INO80: variants seen among roughly 807,000 people sequenced by gnomAD.
INO80 encodes chromatin-remodeling ATPase INO80.
Under a neutral mutation model 203.4 loss-of-function variants are expected in INO80, and 20 were observed. The observed-to-expected ratio is 0.10, with a 90% CI of 0.07 to 0.14. INO80 has a LOEUF of 0.14. INO80 is among the 10% of genes least tolerant of loss of function. INO80 has a pLI of 1.00. For missense variants in INO80, 1,419 were observed against 1,914.4 expected (o/e 0.74, Z 4.83); for synonymous variants, 726 against 685.2 (o/e 1.06, Z -0.93).
At chr15:41,098,637 T>A (rs1337724234) in intron 1 of INO80, among the ~76,000 whole-genome samples, 1 of 152,064 alleles carries the variant, frequency 6.6e-6, no homozygotes, top group East Asian at 1.9e-4. Flanking sequence ...ATCTTGCAAC[T>A]GTACTCCAGC....
In INO80 at chr15:40,982,920, G is replaced by T. The variant is rs758803693; in HGVS notation, c.4395C>A (p.Ala1465=). ...GSAAAMAGAK[A]GAAAASAAAY... is the part of the protein sequence containing the mutation. Reference sequence around the variant, plus strand: ...CAGCTGCAGAGGCCGCTGCAGCCCCGGCTTTGGCTCCTGCCATTGCAGCAG... The same window carrying T: ...CAGCTGCAGAGGCCGCTGCAGCCCCTGCTTTGGCTCCTGCCATTGCAGCAG... Residue 1465 remains alanine, a synonymous_variant, in exon 35 of 36, where the codon GCC becomes GCA. Transcript: ENST00000648947. The T allele has an allele frequency of 6.2e-7, 1 of 1,614,056 alleles. No individual in the cohort carries two copies. Among genetic ancestry groups the T allele is most frequent in the South Asian group, 1.1e-5 (1 of 91,080 alleles).
Position 41,053,980 on chromosome 15 carries a change from T to C in INO80, c.2223A>G (p.Pro741=), listed in dbSNP as rs1490501976. ...QLSRLHMILK[P]FMLRRIKKDV... is the part of the protein sequence containing the mutation. The stretch of plus-strand genomic sequence containing the variant: ...CTTTCTTGATTCTCCTCAGCATAAA[T>C]GGCTTCAAAATCATGTGTAAGCGAG... Residue 741 remains proline (P), a synonymous_variant, in exon 19 of 36, where the codon CCA becomes CCG. Transcript: ENST00000648947. The C allele has an allele frequency of 1.6e-5, 26 of 1,613,820 alleles. No homozygotes were observed. Among genetic ancestry groups the C allele is most frequent in the Non-Finnish European group, 2.0e-5 (24 of 1,179,930 alleles).
intron 1 of INO80, among the ~76,000 whole-genome samples, chr15:41,108,541 G>C (rs913362090): frequency 2.0e-5 from 3 of 147,204 alleles, no homozygotes; most frequent in Non-Finnish European, 4.4e-5. Context: ...GCAGTGAGCC[G>C]AGATCTCGCC....
chr15:41,065,422 A>G (rs563239247), intron 14 of INO80, among the ~76,000 whole-genome samples: 1 of 152,254 alleles, frequency 6.6e-6, no homozygotes, highest in East Asian at 1.9e-4. Context: ...GCGACAGAGC[A>G]AGACTCTGTG....
intron 14 of INO80, among the ~76,000 whole-genome samples, chr15:41,060,384 T>C (rs1596301733): frequency 6.6e-6 from 1 of 151,462 alleles, no homozygotes; most frequent in Non-Finnish European, 1.5e-5. Flanking sequence ...AGGTCAGGAG[T>C]TGGAGACCAG....
At chr15:41,102,600 G>T (rs999828850) in intron 1 of INO80, among the ~76,000 whole-genome samples, 1 of 152,066 alleles carries the variant, frequency 6.6e-6, no homozygotes, top group African/African-American at 2.4e-5. Context: ...AACCTGGGAG[G>T]CGGAGGTTAC....
At chr15:41,095,975 T>C (rs1182986867) in intron 2 of INO80, 47 bp from the exon 3 acceptor site, 7 of 1,559,480 alleles carry the variant, frequency 4.5e-6, no homozygotes, top group Admixed American at 3.7e-5. Context: ...CCCAATAAAA[T>C]ATAATTTAAA....
intron 31 of INO80, among the ~76,000 whole-genome samples, 163 bp from the exon 32 acceptor site, chr15:40,985,589 T>C (rs2043720312): frequency 6.6e-6 from 1 of 152,122 alleles, no homozygotes; most frequent in South Asian, 2.1e-4. Flanking sequence ...TTCTCAATTT[T>C]GGGTTTAAAT....
At chr15:40,999,772 G>A (rs2043932774) in intron 28 of INO80, among the ~76,000 whole-genome samples, 1 of 152,068 alleles carries the variant, frequency 6.6e-6, no homozygotes, top group Non-Finnish European at 1.5e-5. Context: ...TATCTCACAG[G>A]CCCAAAGAAG....
At chr15:41,073,805 A>T (rs928209231) in intron 10 of INO80, among the ~76,000 whole-genome samples, 1 of 152,158 alleles carries the variant, frequency 6.6e-6, no homozygotes, top group Non-Finnish European at 1.5e-5. Context: ...AGGATTCAAA[A>T]TTTTAATATA....
At chr15:40,999,405 A>C (rs1171024770) in intron 28 of INO80, 2 of 152,200 alleles carry the variant, frequency 1.3e-5, no homozygotes, top group Non-Finnish European at 1.5e-5. Context: ...CGGTGAAAGA[A>C]CTATTTTGAA....
chr15:40,988,003 A>C (rs558054259), intron 29 of INO80, 29 bp from the exon 30 acceptor site: 2 of 1,581,240 alleles, frequency 1.3e-6, no homozygotes, highest in East Asian at 4.5e-5. Flanking sequence ...AAACTGAAGC[A>C]CTCTTAGGGA....
chr15:41,060,856 T>G (rs567017467), intron 14 of INO80, among the ~76,000 whole-genome samples: 2 of 152,272 alleles, frequency 1.3e-5, no homozygotes, highest in East Asian at 1.9e-4. Context: ...AAAACAGTTG[T>G]GAGAGCCCAC....
chr15:40,999,780 A>G (rs952886081), intron 28 of INO80, among the ~76,000 whole-genome samples: 6 of 152,174 alleles, frequency 3.9e-5, no homozygotes, highest in Non-Finnish European at 8.8e-5. Flanking sequence ...AGGCCCAAAG[A>G]AGAGTATTTA....
chr15:41,023,768 C>CAAAAAAAAAAAAAAAAA (rs139814568), intron 25 of INO80, among the ~76,000 whole-genome samples: 1 of 63,560 alleles, frequency 1.6e-5, no homozygotes, highest in Non-Finnish European at 2.5e-5. Flanking sequence ...GACTCTGTCT[C>CAAAAAAAAAAAAAAAAA]AAAAAAAAAA....
intron 8 of INO80, among the ~76,000 whole-genome samples, 189 bp downstream of exon 8, chr15:41,080,831 T>C (rs1983400): frequency 0.51 from 77,925 of 151,962 alleles, 22,003 homozygotes; most frequent in African/African-American, 0.77. Context: ...CCAGCCTGGG[T>C]GGCTGAGACT....
At chr15:41,043,912 A>T (rs970107198) in intron 24 of INO80, among the ~76,000 whole-genome samples, 7 of 152,196 alleles carry the variant, frequency 4.6e-5, no homozygotes, top group Non-Finnish European at 7.3e-5. Flanking sequence ...ACTGTACACA[A>T]CATCATTACT....
In INO80 at chr15:40,983,392, A is replaced by G. The variant is rs28715594; in HGVS notation, c.4238-315T>C. On this transcript the variant is annotated intron_variant, in intron 34 of 35. Transcript: ENST00000648947. ...GACTTGCTACCTGGGACTCATCTGC[A>G]CACTCTAATGTGCTCTTGCCTTGGA... is the stretch of plus-strand genomic sequence containing the variant. Among the ~76,000 whole-genome samples the G allele has an allele frequency of 6.3e-3, 953 of 152,286 alleles. 12 individuals are homozygous for G. The highest frequency in any genetic ancestry group is 0.022 in the African/African-American group (911 of 41,562).
At chr15:40,995,921 GCCT>G (rs1354979540) in intron 29 of INO80, among the ~76,000 whole-genome samples, 9 of 152,188 alleles carry the variant, frequency 5.9e-5, no homozygotes, top group Non-Finnish European at 1.0e-4. Context: ...ACCCAGCAAT[GCCT>G]CCAGTGGCCC....
Sources: gnomAD v4.1 joint callset for allele counts (sites outside exome capture counted in the v4.1 genomes callset) on GRCh38, gnomAD v4.1.1 for gene constraint, MANE v1.5 for transcripts, NCBI Gene and HGNC (gene_info 2026-07-23, HGNC 2026-07-21) for gene names.